The following STN1 variants were observed in gnomAD, a reference collection of about 807,000 sequenced individuals.
STN1 encodes the protein STN1 subunit of CST complex.
Under a neutral mutation model 45.5 loss-of-function variants are expected in STN1, and 29 were observed. That is an observed-to-expected ratio of 0.64 (90% CI 0.47 to 0.87). STN1 has a LOEUF of 0.87. Ranked by LOEUF, STN1 falls within the 40% of genes least tolerant of loss-of-function variation. STN1 has a pLI of 0.00. For synonymous variants in STN1, 148 were observed against 159.0 expected (o/e 0.93, Z 0.52); for missense variants, 376 against 441.4 (o/e 0.85, Z 1.33).
chr10:103,889,126 C>CT lies in STN1; in HGVS notation c.894dup (p.Asp299ArgfsTer58), dbSNP rs753230146. The CT allele has an allele frequency of 2.0e-5, 32 of 1,613,182 alleles. No homozygotes were observed. The highest frequency in any genetic ancestry group is 2.5e-5 in the Non-Finnish European group (29 of 1,179,320). ...ATCCGGTGGATCTTTCTGTGCAGGT[C>CT]TTTGTCTTCTCTGGTTACCTAAATA... is the stretch of plus-strand genomic sequence containing the variant. On this transcript the variant is annotated frameshift_variant, in exon 9 of 10. Coordinates refer to ENST00000224950, the MANE Select transcript of STN1 (RefSeq NM_024928.5). LOFTEE classifies it high-confidence loss of function.
intron 4 of STN1, among the ~76,000 whole-genome samples, chr10:103,903,282 C>T (rs541803464): frequency 5.3e-5 from 8 of 152,202 alleles, no homozygotes; most frequent in Admixed American, 2.0e-4. Context: ...AAAAACTTTG[C>T]TGACTCCCCA....
rs1334715439 is a variant in STN1, at chr10:103,881,598, G to A, written c.*1086C>T. ...GACTGTCCTGTTTCCACGGAGAGAGGAGCAACTCTCCAGGCCTAAAGGATC... is the reference window on the plus strand; with the variant it reads ...GACTGTCCTGTTTCCACGGAGAGAGAAGCAACTCTCCAGGCCTAAAGGATC... On this transcript the variant is annotated 3_prime_UTR_variant, in exon 10 of 10. Transcript: ENST00000224950. 1.3e-5 allele frequency among the ~76,000 whole-genome samples: 2 copies of A among 152,184 alleles called. No individual in the cohort carries two copies. The highest frequency in any genetic ancestry group is 2.9e-5 in the Non-Finnish European group (2 of 68,024).
intron 7 of STN1, among the ~76,000 whole-genome samples, chr10:103,895,784 G>A (rs1450686693): frequency 6.6e-6 from 1 of 152,202 alleles, no homozygotes; most frequent in Admixed American, 6.5e-5. Context: ...CCTAGCAAGG[G>A]TGTTCACAGC....
intron 4 of STN1, 141 bp from the exon 5 acceptor site, chr10:103,900,364 T>C: frequency 1.2e-6 from 1 of 802,474 alleles, no homozygotes; most frequent in South Asian, 1.9e-5. Context: ...CTGTTGGAAA[T>C]CCACATAACC....
rs369991097 is a variant in STN1, at chr10:103,898,940, A to T, written c.518T>A (p.Ile173Asn). The change falls in exon 6 of 10, where the codon ATC becomes AAC. Residue 173 changes from isoleucine to asparagine, a missense_variant. Coordinates refer to ENST00000224950, the MANE Select transcript of STN1 (RefSeq NM_024928.5). ...QIARMLELPT[I>N]YRKVYDQPFH... is the part of the protein sequence containing the mutation. ...AGGCTGGTCATAAACTTTCCTGTAG[A>T]TAGTGGGCAGCTCAAGCATCCTTGC... 13 of 1,614,002 alleles carry T rather than the reference A, an allele frequency of 8.1e-6. No individual in the cohort carries two copies. The highest frequency in any genetic ancestry group is 1.0e-5 in the Non-Finnish European group (12 of 1,180,008).
At chr10:103,892,056 T>C in intron 8 of STN1, 74 bp downstream of exon 8, 1 of 1,186,458 alleles carries the variant, frequency 8.4e-7, no homozygotes. Flanking sequence ...AATAATTAAG[T>C]GGTTATTCAT....
chr10:103,914,351 T>TAC (rs1348252089), intron 2 of STN1, among the ~76,000 whole-genome samples: 17 of 15,144 alleles, frequency 1.1e-3, no homozygotes, highest in African/African-American at 2.7e-3. Flanking sequence ...TATATATATA[T>TAC]ATATATATAT....
At position 103,877,841 on chromosome 10, in the gene STN1, C is replaced by T. The variant is rs1197810793; in HGVS notation, c.*4843G>A. On this transcript the variant is annotated 3_prime_UTR_variant, in exon 10 of 10. Transcript: ENST00000224950. ...TGCAGGCATCTCTGGCGAGCCTTAT[C>T]ACAGTCTTTCTGAGTTTGCCTGTAT... is the stretch of plus-strand genomic sequence containing the variant. 6.6e-6 allele frequency: 1 copy of T among 152,198 alleles called. No individual in the cohort carries two copies. The highest frequency in any genetic ancestry group is 2.4e-5 in the African/African-American group (1 of 41,436). The allele number at this position is 152,198 out of a possible 1,614,324, so 9.4% of individuals were successfully genotyped here. A position where few individuals can be genotyped will look rare whatever the true frequency, so the allele number is the denominator to read the frequency against.
chr10:103,917,234 A>G (rs368446173), intron 2 of STN1, among the ~76,000 whole-genome samples: 2 of 150,168 alleles, frequency 1.3e-5, no homozygotes, highest in South Asian at 4.3e-4. Flanking sequence ...CCCCAGTACA[A>G]AAGTTACTCC....
chr10:103,888,622 T>C (rs986259399), intron 9 of STN1, among the ~76,000 whole-genome samples: 7 of 152,170 alleles, frequency 4.6e-5, no homozygotes, highest in African/African-American at 1.7e-4. Context: ...CTGAAAGGCT[T>C]TGATGTTAGA....
At chr10:103,914,618 G>A (rs1564636231) in intron 2 of STN1, among the ~76,000 whole-genome samples, 1 of 151,348 alleles carries the variant, frequency 6.6e-6, no homozygotes. Flanking sequence ...CTCCCAAAGT[G>A]CTGGGATTAC....
At chr10:103,885,719 A>G (rs1330555914) in intron 9 of STN1, among the ~76,000 whole-genome samples, 1 of 152,154 alleles carries the variant, frequency 6.6e-6, no homozygotes, top group East Asian at 1.9e-4. Flanking sequence ...AGAAATTATT[A>G]TAAAACAGTA....
Position 103,905,075 on chromosome 10 carries a change from T to G in STN1, c.295+16A>C. 1 of 1,609,526 alleles carries G rather than the reference T, an allele frequency of 6.2e-7. No individual in the cohort carries two copies. Among genetic ancestry groups the G allele is most frequent in the Non-Finnish European group, 8.5e-7 (1 of 1,175,826 alleles). On this transcript the variant is annotated intron_variant, in intron 4 of 9. Coordinates refer to ENST00000224950, the MANE Select transcript of STN1 (RefSeq NM_024928.5). ...TAGTTAGGTGAAAAGTAAAGGAATG[T>G]GGCAAATAAAATTACCTGATACAGA...
intron 9 of STN1, among the ~76,000 whole-genome samples, chr10:103,885,611 C>T (rs1245086398): frequency 6.6e-6 from 1 of 152,064 alleles, no homozygotes; most frequent in Non-Finnish European, 1.5e-5. Context: ...TGCTATGTTG[C>T]CCAGGCTGGT....
At chr10:103,884,146 G>A (rs1843089047) in intron 9 of STN1, among the ~76,000 whole-genome samples, 1 of 143,854 alleles carries the variant, frequency 7.0e-6, no homozygotes, top group Admixed American at 7.0e-5. Context: ...TAATCAGAGT[G>A]TATATTCAGA....
intron 4 of STN1, among the ~76,000 whole-genome samples, chr10:103,901,435 C>G (rs911174254): frequency 6.6e-6 from 1 of 152,128 alleles, no homozygotes; most frequent in Non-Finnish European, 1.5e-5. Context: ...GCTCAGCCAT[C>G]GGCATTTTGG....
rs373606965 is a variant in STN1 at position 103,900,121 on chromosome 10, C to T, written c.398G>A (p.Arg133Gln). ...KTKIEIGDTIRVRGSIRTYRE... is the reference protein window; with the variant it reads ...KTKIEIGDTIQVRGSIRTYRE... Reference sequence around the variant, plus strand: ...GTATGTGCGGATACTGCCTCTGACTCGGATCGTGTCCCCGATCTCTATCTT... The same window carrying T: ...GTATGTGCGGATACTGCCTCTGACTTGGATCGTGTCCCCGATCTCTATCTT... Residue 133 changes from arginine (R) to glutamine (Q), a missense_variant, in exon 5 of 10, where the codon CGA becomes CAA. Physicochemically the swap from Arg to Gln is conservative, Grantham distance 43. Transcript: ENST00000224950. 1.2e-5 allele frequency: 20 copies of T among 1,614,056 alleles called. No individual in the cohort carries two copies. Among genetic ancestry groups the T allele is most frequent in the East Asian group, 4.5e-5 (2 of 44,888 alleles).
chr10:103,908,909 G>A lies in STN1; in HGVS notation c.229+1618C>T, dbSNP rs555252671. ...GTTAATTTTTTTTTTTTTGGTGGGT[G>A]GGGGATGGAAGAAAGGAGGAGGAGA... On this transcript the variant is annotated intron_variant, in intron 3 of 9. Coordinates refer to ENST00000224950, the MANE Select transcript of STN1 (RefSeq NM_024928.5). Among the ~76,000 whole-genome samples the A allele has an allele frequency of 3.3e-5, 5 of 151,230 alleles. 1 individual carries two copies. In the East Asian group the frequency reaches 7.8e-4, roughly 23 times the overall value.
intron 9 of STN1, among the ~76,000 whole-genome samples, chr10:103,888,312 C>T (rs1438375642): frequency 1.3e-5 from 2 of 151,470 alleles, no homozygotes; most frequent in Admixed American, 6.6e-5. Context: ...CATTAACAAA[C>T]TTTTCCAACA....
Sources: gnomAD v4.1 joint callset for allele counts (sites outside exome capture counted in the v4.1 genomes callset) on GRCh38, gnomAD v4.1.1 for gene constraint, MANE v1.5 for transcripts, NCBI Gene and HGNC (gene_info 2026-07-23, HGNC 2026-07-21) for gene names.